Variants in DLGAP5 observed in about 807,000 individuals in gnomAD.
The protein encoded by DLGAP5 is DLG associated protein 5.
DLGAP5 carries 90 observed loss-of-function variants against 99.6 expected under a neutral mutation model. That is an observed-to-expected ratio of 0.90 (90% CI 0.76 to 1.08). The LOEUF (loss-of-function observed/expected upper bound fraction) is 1.08. Ranked by LOEUF, DLGAP5 falls within the 50% of genes least tolerant of loss-of-function variation. DLGAP5 has a pLI of 0.00. For missense variants in DLGAP5, 1,036 were observed against 983.5 expected, an observed-to-expected ratio of 1.05 and a Z score of -0.71; for synonymous variants, 311 against 321.3, an observed-to-expected ratio of 0.97 and a Z score of 0.34.
At chr14:55,171,349 A>G (rs1417356891) in intron 10 of DLGAP5, among the ~76,000 whole-genome samples, 1 of 152,148 alleles carries the variant, frequency 6.6e-6, no homozygotes, top group African/African-American at 2.4e-5. Context: ...CTGGCCAGGG[A>G]TGCTACAAAA....
In DLGAP5 at chr14:55,169,049, G is replaced by A. The variant is rs565082366; in HGVS notation, c.1548+350C>T. On this transcript the variant is annotated intron_variant, in intron 12 of 18. Coordinates refer to ENST00000247191, the MANE Select transcript of DLGAP5 (RefSeq NM_014750.5). ...AAATTAGCCAGATGAGGTGGCAGGC[G>A]CCTGTAGTCCCAGCTACTCGGGAGG... is the stretch of plus-strand genomic sequence containing the variant. 3.3e-5 allele frequency among the ~76,000 whole-genome samples: 5 copies of A among 151,546 alleles called. No homozygotes were observed. The East Asian group carries it at 5.8e-4, about 18-fold the overall frequency.
intron 12 of DLGAP5, 51 bp downstream of exon 12, chr14:55,169,342 TAAAAAA>T (rs61278586): frequency 2.1e-4 from 180 of 870,542 alleles, no homozygotes; most frequent in Middle Eastern, 7.6e-4. Flanking sequence ...TCCTGCTACT[TAAAAAA>T]AAAAAAAAAA....
chr14:55,169,841 G>C (rs1228181156), intron 11 of DLGAP5, among the ~76,000 whole-genome samples: 1 of 152,030 alleles, frequency 6.6e-6, no homozygotes, highest in Non-Finnish European at 1.5e-5. Context: ...CAGCCGGTGT[G>C]GTGGCTCATG....
chr14:55,170,780 G>A lies in DLGAP5; in HGVS notation c.1309C>T (p.Leu437Phe), dbSNP rs747478578. ...HHGVPYFRNI[L>F]QSETEKLTSH... ...GTTAATTTCTCAGTTTCTGACTGGA[G>A]GATATTTCTAAAATTATGACATACA... is the stretch of plus-strand genomic sequence containing the variant. The change falls in exon 11 of 19, where the codon CTC (leucine) becomes TTC (phenylalanine). Residue 437 changes from leucine (L) to phenylalanine (F), a missense_variant. Leu to Phe is a conservative substitution (Grantham distance 22). Transcript: ENST00000247191. The A allele has an allele frequency of 1.2e-6, 2 of 1,613,090 alleles. No individual in the cohort carries two copies. Among genetic ancestry groups the A allele is most frequent in the Non-Finnish European group, 1.7e-6 (2 of 1,179,278 alleles).
At position 55,154,197 on chromosome 14, in the gene DLGAP5, T is replaced by C. The variant is rs929150364; in HGVS notation, c.2063+420A>G. ...ACTTTCTACAAAGCCTGGTAAAAAG[T>C]GTCCATCTCTCAACCACCTTGGGGA... is the stretch of plus-strand genomic sequence containing the variant. On this transcript the variant is annotated intron_variant, in intron 15 of 18. Coordinates refer to ENST00000247191, the MANE Select transcript of DLGAP5 (RefSeq NM_014750.5). 3.6e-4 allele frequency among the ~76,000 whole-genome samples: 54 copies of C among 152,096 alleles called. 1 individual carries two copies. Among genetic ancestry groups the C allele is most frequent in the Non-Finnish European group, 3.8e-4 (26 of 68,020 alleles).
At chr14:55,152,539 T>C in intron 16 of DLGAP5, 51 bp downstream of exon 16, 1 of 1,402,072 alleles carries the variant, frequency 7.1e-7, no homozygotes, top group East Asian at 2.3e-5. Context: ...TCTATAATGA[T>C]ATAAACATAT....
chr14:55,160,171 C>G (rs558593047), intron 13 of DLGAP5, among the ~76,000 whole-genome samples: 4 of 151,830 alleles, frequency 2.6e-5, no homozygotes, highest in Non-Finnish European at 5.9e-5. Flanking sequence ...CCACTGCACT[C>G]CAGCCTGGGC....
In DLGAP5 at chr14:55,188,055, G is replaced by A. The variant is rs113460310; in HGVS notation, c.238+887C>T. On this transcript the variant is annotated intron_variant, in intron 2 of 18. Coordinates refer to ENST00000247191, the MANE Select transcript of DLGAP5 (RefSeq NM_014750.5). ...TAGACTTTAATTTGAAAGATTTTTG[G>A]TTAAGAAATGGAGCATTTGAGAGGA... 1.2e-3 allele frequency among the ~76,000 whole-genome samples: 190 copies of A among 152,156 alleles called. 1 individual carries two copies. The highest frequency in any genetic ancestry group is 4.4e-3 in the African/African-American group (183 of 41,518).
At chr14:55,163,969 G>A (rs1882542718) in intron 12 of DLGAP5, among the ~76,000 whole-genome samples, 1 of 152,060 alleles carries the variant, frequency 6.6e-6, no homozygotes. Context: ...CTCCGAATCT[G>A]TGCCTTGTCT....
intron 7 of DLGAP5, 133 bp from the exon 8 acceptor site, chr14:55,177,469 T>C: frequency 2.7e-6 from 2 of 745,118 alleles, no homozygotes; most frequent in Admixed American, 3.6e-5. Flanking sequence ...CAAAAACAGA[T>C]ACAATTAAGT....
chr14:55,148,178 C>T lies in DLGAP5; in HGVS notation c.*173G>A, dbSNP rs1881886099. 3.1e-6 allele frequency: 2 copies of T among 654,006 alleles called. No homozygotes were observed. Among genetic ancestry groups the T allele is most frequent in the South Asian group, 2.3e-5 (1 of 42,874 alleles). 40.5% of individuals were successfully genotyped at this position (654,006 alleles called of 1,614,324 possible). On this transcript the variant is annotated 3_prime_UTR_variant, in exon 19 of 19. Coordinates refer to ENST00000247191, the MANE Select transcript of DLGAP5 (RefSeq NM_014750.5). ...CTGTGTTGAAAATGTACAAAATATCCCCACTTCCCTTGAGAAAGAGTATAT... is the reference window on the plus strand; with the variant it reads ...CTGTGTTGAAAATGTACAAAATATCTCCACTTCCCTTGAGAAAGAGTATAT...
intron 14 of DLGAP5, among the ~76,000 whole-genome samples, chr14:55,158,058 C>G (rs1013398968): frequency 1.3e-5 from 2 of 152,248 alleles, no homozygotes. Flanking sequence ...CCAACACACA[C>G]AGCACATAAG....
intron 13 of DLGAP5, among the ~76,000 whole-genome samples, chr14:55,160,371 G>A (rs572793559): frequency 6.6e-6 from 1 of 151,202 alleles, no homozygotes; most frequent in East Asian, 2.0e-4. Context: ...CTCCAGCCTG[G>A]GCAACACAGC....
At chr14:55,177,493 C>T (rs1408737220) in intron 7 of DLGAP5, among the ~76,000 whole-genome samples, 157 bp from the exon 8 acceptor site, 1 of 151,128 alleles carries the variant, frequency 6.6e-6, no homozygotes, top group Non-Finnish European at 1.5e-5. Context: ...TACATGGAAT[C>T]AGAAGACCAG....
At chr14:55,161,848 T>C (rs1882449047) in intron 13 of DLGAP5, among the ~76,000 whole-genome samples, 1 of 105,944 alleles carries the variant, frequency 9.4e-6, no homozygotes, top group African/African-American at 3.7e-5. Flanking sequence ...CACTCCAGCC[T>C]GGGCAAAAAG....
In DLGAP5 at chr14:55,172,340, CAAAAAA is replaced by C. The variant is rs879341861; in HGVS notation, c.1302-1559_1302-1554del. Among the ~76,000 whole-genome samples the C allele has an allele frequency of 1.4e-4, 14 of 98,286 alleles. 1 individual carries two copies. Among genetic ancestry groups the C allele is most frequent in the African/African-American group, 5.6e-4 (14 of 24,996 alleles). The allele number at this position is 98,286 out of a possible 152,430, so 64.5% of individuals were successfully genotyped here. ...CAATCTCTACTTAAAAAAAAAAATA[CAAAAAA>C]AAAAAAAAGTATTTAAAAGATAAAT... On this transcript the variant is annotated intron_variant, in intron 10 of 18. Transcript: ENST00000247191.
At chr14:55,152,260 C>G (rs893899503) in intron 16 of DLGAP5, among the ~76,000 whole-genome samples, 1 of 152,226 alleles carries the variant, frequency 6.6e-6, no homozygotes, top group Non-Finnish European at 1.5e-5. Context: ...GTACTCAACT[C>G]TACCACTGTA....
intron 2 of DLGAP5, among the ~76,000 whole-genome samples, chr14:55,185,970 A>T (rs1269047006): frequency 6.6e-6 from 1 of 152,226 alleles, no homozygotes; most frequent in African/African-American, 2.4e-5. Context: ...ATATACTTCT[A>T]AAAAATAAAG....
chr14:55,180,825 A>C, intron 5 of DLGAP5, 47 bp from the exon 6 acceptor site: 1 of 1,604,716 alleles, frequency 6.2e-7, no homozygotes, highest in Non-Finnish European at 8.5e-7. Flanking sequence ...TGTAGTTATG[A>C]AATTATTGCT....
Sources: gnomAD v4.1 joint callset for allele counts (sites outside exome capture counted in the v4.1 genomes callset) on GRCh38, gnomAD v4.1.1 for gene constraint, MANE v1.5 for transcripts, NCBI Gene and HGNC (gene_info 2026-07-23, HGNC 2026-07-21) for gene names.